The following ZNF518B variants were observed in gnomAD, a reference collection of about 807,000 sequenced individuals.
The protein encoded by ZNF518B is zinc finger protein 518B.
In ZNF518B, 23 loss-of-function variants were observed where a neutral mutation model predicts 56.3. The ratio of observed to expected loss-of-function variants is 0.41; its 90% CI spans 0.29 to 0.58. The LOEUF is 0.58. Among genes scored for constraint, ZNF518B ranks in the 20% least tolerant of loss-of-function variants. The pLI, the probability that ZNF518B is intolerant of heterozygous loss-of-function variation, is 0.32. For missense variants in ZNF518B, 1,460 were observed against 1,272.1 expected, an observed-to-expected ratio of 1.15 and a Z score of -2.25; for synonymous variants, 529 against 465.9, an observed-to-expected ratio of 1.14 and a Z score of -1.74.
At chr4:10,451,254 G>T (rs983765468) in intron 2 of ZNF518B, 2 of 152,122 alleles carry the variant, frequency 1.3e-5, no homozygotes, top group Non-Finnish European at 1.5e-5. Context: ...AAACATAAAA[G>T]ACTGTGTAAG....
chr4:10,449,907 A>G (rs1156926372), intron 2 of ZNF518B, among the ~76,000 whole-genome samples: 1 of 152,246 alleles, frequency 6.6e-6, no homozygotes, highest in East Asian at 1.9e-4. Flanking sequence ...GGAGTCTTCA[A>G]AAATCCCAGA....
Position 10,440,338 on chromosome 4 carries a change from A to G in ZNF518B, c.*2766T>C, listed in dbSNP as rs1045794565. ...ATTTGCCTATATCCTAAATATAACAATCTCTCACTTCTGGTCCACCAAAGT... is the reference window on the plus strand; with the variant it reads ...ATTTGCCTATATCCTAAATATAACAGTCTCTCACTTCTGGTCCACCAAAGT... On this transcript the variant is annotated 3_prime_UTR_variant, in exon 3 of 3. Transcript: ENST00000326756. 5 of 152,430 alleles carry G rather than the reference A, an allele frequency of 3.3e-5. No individual in the cohort carries two copies. The highest frequency in any genetic ancestry group is 1.2e-4 in the African/African-American group (5 of 41,364). The allele number at this position is 152,430 out of a possible 1,614,324, so 9.4% of individuals were successfully genotyped here. A position where few individuals can be genotyped will look rare whatever the true frequency, so the allele number is the denominator to read the frequency against.
rs376227072 is a variant in ZNF518B at position 10,443,382 on chromosome 4, G to C, written c.2947C>G (p.Leu983Val). 1.9e-6 allele frequency: 3 copies of C among 1,614,108 alleles called. No individual in the cohort carries two copies. The highest frequency in any genetic ancestry group is 4.5e-5 in the East Asian group (2 of 44,908). ...VVLSERTRCQ[L>V]GIRRHHVRLT... ...CGTACATGATGCCGTCTGATGCCTAGCTGACACCTAGTCCTCTCTGATAAA... is the reference window on the plus strand; with the variant it reads ...CGTACATGATGCCGTCTGATGCCTACCTGACACCTAGTCCTCTCTGATAAA... Residue 983 changes from leucine (L) to valine (V), a missense_variant, in exon 3 of 3, where the codon CTA becomes GTA. Leu to Val is a conservative substitution (Grantham distance 32). Coordinates refer to ENST00000326756, the MANE Select transcript of ZNF518B (RefSeq NM_053042.3).
In ZNF518B at chr4:10,446,097, T is replaced by C. The variant is rs2108988456; in HGVS notation, c.232A>G (p.Thr78Ala). The part of the protein sequence containing the change: ...KISLQDLQKG[T>A]GKDGMYVCFQ... Reference sequence around the variant, plus strand: ...CAGACATACATACCGTCCTTCCCTGTACCCTTCTGCAAATCTTGAAGAGAG... The same window carrying C: ...CAGACATACATACCGTCCTTCCCTGCACCCTTCTGCAAATCTTGAAGAGAG... Residue 78 changes from threonine (T) to alanine (A), a missense_variant, in exon 3 of 3, where the codon ACA becomes GCA. Coordinates refer to ENST00000326756, the MANE Select transcript of ZNF518B (RefSeq NM_053042.3). 6.2e-7 allele frequency: 1 copy of C among 1,614,208 alleles called. No homozygotes were observed. Among genetic ancestry groups the C allele is most frequent in the East Asian group, 2.2e-5 (1 of 44,892 alleles).
rs768532246 is a variant in ZNF518B, at chr4:10,444,210, T to G, written c.2119A>C (p.Ile707Leu). ...KGTSKATSEGIQEINVSLTGL... is the reference protein window; with the variant it reads ...KGTSKATSEGLQEINVSLTGL... ...GTGAGTGACACGTTGATTTCTTGAA[T>G]ACCTTCAGAGGTAGCTTTTGAAGTT... The change falls in exon 3 of 3, where the codon ATT (isoleucine) becomes CTT (leucine). Residue 707 changes from isoleucine (I) to leucine (L), a missense_variant. By Grantham distance (5) the Ile-to-Leu change is conservative (BLOSUM62 2). Coordinates refer to ENST00000326756, the MANE Select transcript of ZNF518B (RefSeq NM_053042.3). The G allele has an allele frequency of 6.2e-7, 1 of 1,614,250 alleles. No homozygotes were observed. Among genetic ancestry groups the G allele is most frequent in the Non-Finnish European group, 8.5e-7 (1 of 1,180,046 alleles).
chr4:10,458,396 C>T (rs1401771198), upstream of ZNF518B, among the ~76,000 whole-genome samples: 1 of 152,158 alleles, frequency 6.6e-6, no homozygotes. Flanking sequence ...GGCCAAAGGT[C>T]GGCGTGCACG....
At chr4:10,460,931 T>C (rs1040368675), upstream of ZNF518B, among the ~76,000 whole-genome samples, 1 of 152,224 alleles carries the variant, frequency 6.6e-6, no homozygotes, top group East Asian at 1.9e-4. Flanking sequence ...AAGTGGCTTT[T>C]TTTTCTTCTA....
Position 10,444,931 on chromosome 4 carries a change from T to C in ZNF518B, c.1398A>G (p.Lys466=). Residue 466 remains lysine (K), a synonymous_variant, in exon 3 of 3, where the codon AAA becomes AAG. Transcript: ENST00000326756. The part of the protein sequence containing the change: ...NSETIEDFQK[K]NNLYPHRTAF... ...CAGTTCTATGTGGATACAAATTATT[T>C]TTTTTCTGAAAATCCTCAATTGTTT... The C allele has an allele frequency of 6.2e-7, 1 of 1,611,166 alleles. No homozygotes were observed. Among genetic ancestry groups the C allele is most frequent in the Non-Finnish European group, 8.5e-7 (1 of 1,179,134 alleles).
chr4:10,445,715 A>C lies in ZNF518B; in HGVS notation c.614T>G (p.Ile205Ser). The change falls in exon 3 of 3, where the codon ATT becomes AGT. Residue 205 changes from isoleucine to serine, a missense_variant. Physicochemically the swap from Ile to Ser is moderately radical, Grantham distance 142 (BLOSUM62 -2). Coordinates refer to ENST00000326756, the MANE Select transcript of ZNF518B (RefSeq NM_053042.3). ...ATGTACTCTCTTCGTGTGTTTGACA[A>C]TATAATCATTTCTAATAGCACCATA... The part of the protein sequence containing the change: ...CDYGAIRNDY[I>S]VKHTKRVHER... 1 of 1,614,172 alleles carries C rather than the reference A, an allele frequency of 6.2e-7. No homozygotes were observed. The highest frequency in any genetic ancestry group is 8.5e-7 in the Non-Finnish European group (1 of 1,180,036).
chr4:10,460,853 C>A (rs936124650), upstream of ZNF518B, among the ~76,000 whole-genome samples: 3 of 152,204 alleles, frequency 2.0e-5, no homozygotes, highest in Non-Finnish European at 2.9e-5. Context: ...CTTTAACACC[C>A]AGGTCAGAGC....
At position 10,445,366 on chromosome 4, in the gene ZNF518B, T is replaced by A; in HGVS notation, c.963A>T (p.Glu321Asp). The A allele has an allele frequency of 6.2e-7, 1 of 1,614,232 alleles. No homozygotes were observed. The highest frequency in any genetic ancestry group is 1.1e-5 in the South Asian group (1 of 91,086). ...VEVEVLSPAK[E>D]PVQPGMPLTV... is the part of the protein sequence containing the mutation. ...TCAATGGCATACCTGGCTGAACAGG[T>A]TCTTTTGCAGGGGATAACACTTCTA... Residue 321 changes from glutamate (E) to aspartate (D), a missense_variant, in exon 3 of 3, where the codon GAA becomes GAT. Transcript: ENST00000326756.
Position 10,444,660 on chromosome 4 carries a change from T to C in ZNF518B, c.1669A>G (p.Ser557Gly), listed in dbSNP as rs1463022471. 2.5e-6 allele frequency: 4 copies of C among 1,614,232 alleles called. No individual in the cohort carries two copies. Among genetic ancestry groups the C allele is most frequent in the South Asian group, 2.2e-5 (2 of 91,080 alleles). Residue 557 changes from serine to glycine, a missense_variant, in exon 3 of 3, where the codon AGT becomes GGT. Coordinates refer to ENST00000326756, the MANE Select transcript of ZNF518B (RefSeq NM_053042.3). The part of the protein sequence containing the change: ...PVSENDLEST[S>G]KVNIPVKVVS... ...ACTTTTACAGGAATATTGACTTTAC[T>C]TGTAGATTCCAAGTCATTTTCACTT...
In ZNF518B at chr4:10,443,820, G is replaced by C. The variant is rs778209720; in HGVS notation, c.2509C>G (p.Pro837Ala). The C allele has an allele frequency of 1.2e-6, 2 of 1,614,168 alleles. No individual in the cohort carries two copies. Among genetic ancestry groups the C allele is most frequent in the Non-Finnish European group, 8.5e-7 (1 of 1,180,026 alleles). ...RSERGPIDMS[P>A]NIETPLRPKL... The stretch of plus-strand genomic sequence containing the variant: ...GGCCGCAGAGGTGTCTCGATATTTG[G>C]GGACATATCTATTGGCCCCCTTTCA... Residue 837 changes from proline (P) to alanine (A), a missense_variant, in exon 3 of 3, where the codon CCA (proline) becomes GCA (alanine). Transcript: ENST00000326756.
intron 2 of ZNF518B, among the ~76,000 whole-genome samples, chr4:10,448,534 A>G (rs922040067): frequency 1.3e-5 from 2 of 152,116 alleles, no homozygotes; most frequent in Admixed American, 6.5e-5. Flanking sequence ...CTTTTGCGAA[A>G]GATAGTCACC....
chr4:10,461,308 G>A (rs1380501436), upstream of ZNF518B, among the ~76,000 whole-genome samples: 2 of 152,220 alleles, frequency 1.3e-5, no homozygotes, highest in Non-Finnish European at 2.9e-5. Context: ...TGGCTCTCCT[G>A]GCCCGCACAC....
intron 1 of ZNF518B, among the ~76,000 whole-genome samples, chr4:10,456,547 C>T (rs949418692): frequency 9.8e-5 from 15 of 152,296 alleles, no homozygotes; most frequent in African/African-American, 3.6e-4. Flanking sequence ...TGGACGAGCC[C>T]ACCCCTGACC....
upstream of ZNF518B, among the ~76,000 whole-genome samples, chr4:10,458,914 A>C (rs1260972703): frequency 6.6e-6 from 1 of 152,196 alleles, no homozygotes; most frequent in African/African-American, 2.4e-5. Context: ...CCTAAACTTT[A>C]TAAGGAGAGG....
Position 10,443,726 on chromosome 4 carries a change from T to C in ZNF518B, c.2603A>G (p.Gln868Arg). Reference protein sequence around the residue: ...HRKTGLLYGQQGSSELNKQGR... With the variant: ...HRKTGLLYGQRGSSELNKQGR... ...TTGCTTATTTAATTCACTGCTTCCT[T>C]GCTGTCCATACAAGAGGCCAGTTTT... is the stretch of plus-strand genomic sequence containing the variant. Residue 868 changes from glutamine (Q) to arginine (R), a missense_variant, in exon 3 of 3, where the codon CAA (glutamine) becomes CGA (arginine). By Grantham distance (43) the Gln-to-Arg change is conservative. Coordinates refer to ENST00000326756, the MANE Select transcript of ZNF518B (RefSeq NM_053042.3). The C allele has an allele frequency of 2.5e-6, 4 of 1,614,202 alleles. No homozygotes were observed. The highest frequency in any genetic ancestry group is 3.4e-6 in the Non-Finnish European group (4 of 1,180,038).
chr4:10,459,491 T>C (rs565566921), upstream of ZNF518B, among the ~76,000 whole-genome samples: 4 of 152,156 alleles, frequency 2.6e-5, no homozygotes, highest in East Asian at 5.8e-4. Flanking sequence ...CCCAGAAAAA[T>C]ACGTTGAAGC....
Sources: gnomAD v4.1 joint callset for allele counts (sites outside exome capture counted in the v4.1 genomes callset) on GRCh38, gnomAD v4.1.1 for gene constraint, MANE v1.5 for transcripts, NCBI Gene and HGNC (gene_info 2026-07-23, HGNC 2026-07-21) for gene names.